The following KAZN variants were observed in gnomAD, a reference collection of about 807,000 sequenced individuals.
The protein encoded by KAZN is kazrin.
Under a neutral mutation model 87.4 loss-of-function variants are expected in KAZN, and 40 were observed. That is an observed-to-expected ratio of 0.46 (90% CI 0.36 to 0.60). The LOEUF is 0.60. Ranked by LOEUF, KAZN falls within the 20% of genes least tolerant of loss-of-function variation. KAZN has a pLI of 0.00. For missense variants in KAZN, 898 were observed against 1,073.9 expected, an observed-to-expected ratio of 0.84 and a Z score of 2.29; for synonymous variants, 466 against 458.3, an observed-to-expected ratio of 1.02 and a Z score of -0.22.
chr1:14,839,541 C>A (rs1341169110), intron 1 of KAZN, among the ~76,000 whole-genome samples: 1 of 152,112 alleles, frequency 6.6e-6, no homozygotes, highest in Non-Finnish European at 1.5e-5. Flanking sequence ...CAGAAAAACC[C>A]CTATTCATCC....
chr1:14,902,736 TGTGGACAG>T, intron 1 of KAZN, among the ~76,000 whole-genome samples: 1 of 151,770 alleles, frequency 6.6e-6, no homozygotes, highest in Non-Finnish European at 1.5e-5. Flanking sequence ...GAATAAAAGG[TGTGGACAG>T]GTGGACAGGT....
chr1:14,024,532 G>T (rs1019394190), intron 1 of KAZN, among the ~76,000 whole-genome samples: 1 of 152,184 alleles, frequency 6.6e-6, no homozygotes, highest in African/African-American at 2.4e-5. Context: ...GATGCATTCT[G>T]CCCCTCTCCT....
At chr1:14,757,447 A>G (rs554232079) in intron 1 of KAZN, among the ~76,000 whole-genome samples, 2 of 152,242 alleles carry the variant, frequency 1.3e-5, no homozygotes, top group Non-Finnish European at 2.9e-5. Context: ...GCTCTTCCAC[A>G]TACTAGCTCT....
intron 8 of KAZN, among the ~76,000 whole-genome samples, chr1:15,073,234 A>G (rs1437972602): frequency 6.6e-6 from 1 of 152,172 alleles, no homozygotes. Context: ...GTCAAACCTG[A>G]CCTAGCTTTG....
At chr1:14,248,037 G>A (rs1268721986) in intron 2 of KAZN, among the ~76,000 whole-genome samples, 1 of 152,180 alleles carries the variant, frequency 6.6e-6, no homozygotes, top group African/African-American at 2.4e-5. Flanking sequence ...AATCTATTGT[G>A]TTTTCTTCCC....
intron 1 of KAZN, among the ~76,000 whole-genome samples, chr1:13,949,937 G>A (rs561798635): frequency 6.6e-6 from 1 of 152,338 alleles, no homozygotes; most frequent in East Asian, 1.9e-4. Context: ...AGTTTGATGT[G>A]AGGAGGAACT....
intron 1 of KAZN, among the ~76,000 whole-genome samples, chr1:14,664,193 G>A (rs565439291): frequency 1.3e-4 from 20 of 152,370 alleles, no homozygotes; most frequent in Non-Finnish European, 2.9e-4. Flanking sequence ...AGCACCTTGG[G>A]AGGCCGAGGT....
At chr1:14,701,437 A>C (rs1264600116) in intron 1 of KAZN, among the ~76,000 whole-genome samples, 1 of 152,160 alleles carries the variant, frequency 6.6e-6, no homozygotes, top group Non-Finnish European at 1.5e-5. Flanking sequence ...AGCCTAGTAT[A>C]ATTTTTAAAA....
At chr1:14,840,135 C>T (rs922711969) in intron 1 of KAZN, among the ~76,000 whole-genome samples, 1 of 152,132 alleles carries the variant, frequency 6.6e-6, no homozygotes, top group Admixed American at 6.5e-5. Flanking sequence ...GACCACGAAT[C>T]CCTTTTCATT....
chr1:14,914,134 G>A (rs541837252), intron 1 of KAZN, among the ~76,000 whole-genome samples: 2 of 152,324 alleles, frequency 1.3e-5, no homozygotes, highest in East Asian at 1.9e-4. Flanking sequence ...GTTGGGCCTC[G>A]CCTCCTGGGT....
At chr1:14,207,467 A>C (rs1178628374) in intron 2 of KAZN, among the ~76,000 whole-genome samples, 1 of 152,152 alleles carries the variant, frequency 6.6e-6, no homozygotes, top group African/African-American at 2.4e-5. Flanking sequence ...CAAAATATCA[A>C]AACTTGAAAT....
intron 2 of KAZN, among the ~76,000 whole-genome samples, chr1:14,182,045 T>C (rs1255236444): frequency 1.3e-5 from 2 of 151,896 alleles, no homozygotes; most frequent in African/African-American, 4.8e-5. Context: ...TCCCACCGAG[T>C]GCCTAATTCA....
intron 2 of KAZN, among the ~76,000 whole-genome samples, chr1:14,589,965 G>A (rs1454143592): frequency 6.6e-6 from 1 of 152,096 alleles, no homozygotes; most frequent in Admixed American, 6.5e-5. Context: ...CTCTCCTCCT[G>A]AAGATACATT....
intron 13 of KAZN, among the ~76,000 whole-genome samples, chr1:15,108,585 T>C (rs752976342): frequency 3.9e-5 from 6 of 152,218 alleles, no homozygotes; most frequent in Non-Finnish European, 7.3e-5. Flanking sequence ...TCGAGTACTC[T>C]TTCCTTCCCA....
chr1:14,912,142 C>G (rs891231521), intron 1 of KAZN, among the ~76,000 whole-genome samples: 5 of 37,724 alleles, frequency 1.3e-4, no homozygotes, highest in Non-Finnish European at 2.4e-4. Flanking sequence ...GAGACTCCAC[C>G]TCAAAAAAAA....
chr1:15,103,555 A>T (rs905904481), intron 12 of KAZN, 95 bp downstream of exon 12: 1 of 819,284 alleles, frequency 1.2e-6, no homozygotes, highest in Non-Finnish European at 2.1e-6. Flanking sequence ...CATGCAAATC[A>T]ATATGCAGAT....
chr1:14,648,493 C>A (rs2148689545), intron 1 of KAZN, among the ~76,000 whole-genome samples: 1 of 152,204 alleles, frequency 6.6e-6, no homozygotes, highest in Non-Finnish European at 1.5e-5. Context: ...CTGATTTTAG[C>A]TGATCTAAAG....
At chr1:14,764,124 C>T (rs546483301) in intron 1 of KAZN, among the ~76,000 whole-genome samples, 15 of 152,260 alleles carry the variant, frequency 9.9e-5, no homozygotes, top group African/African-American at 3.6e-4. Context: ...GGTGATGGTT[C>T]TCATTTACAA....
intron 8 of KAZN, among the ~76,000 whole-genome samples, chr1:15,091,371 G>T (rs1640526065): frequency 1.3e-5 from 2 of 152,138 alleles, no homozygotes; most frequent in Admixed American, 1.3e-4. Context: ...TTGCAATGGA[G>T]TCTTGTTCTG....
Sources: allele counts gnomAD v4.1 joint callset (sites outside exome capture counted in the v4.1 genomes callset), GRCh38; gene constraint gnomAD v4.1.1; transcripts MANE v1.5; gene names NCBI Gene and HGNC (gene_info 2026-07-23, HGNC 2026-07-21).